The following NELFE variants were observed in gnomAD, a reference collection of about 807,000 sequenced individuals.
NELFE encodes the protein negative elongation factor E.
In NELFE, 26 loss-of-function variants were observed where a neutral mutation model predicts 55.5. The observed-to-expected ratio is 0.47, with a 90% CI of 0.34 to 0.65. The LOEUF is 0.65. NELFE is among the 30% of genes least tolerant of loss of function. The probability of loss-of-function intolerance (pLI) is 0.01; values close to 1 mark genes in which losing one functional copy is unlikely to be tolerated. For synonymous variants in NELFE, 162 were observed against 178.0 expected (o/e 0.91, Z 0.72); for missense variants, 403 against 506.9 (o/e 0.80, Z 1.97).
At chr6:31,956,621 A>T (rs1281392839) in intron 4 of NELFE, 72 bp downstream of exon 4, 8 of 1,508,594 alleles carry the variant, frequency 5.3e-6, no homozygotes, top group African/African-American at 1.4e-5. Context: ...GAGTATGCAT[A>T]TTTTTCCCCA....
At chr6:31,957,065 C>G in intron 2 of NELFE, 55 bp from the exon 3 acceptor site, 1 of 1,519,408 alleles carries the variant, frequency 6.6e-7, no homozygotes, top group South Asian at 1.2e-5. Flanking sequence ...CTAGCCGGTT[C>G]CTCTCCTAAG....
Position 31,952,342 on chromosome 6 carries a change from T to C in NELFE, c.1102A>G (p.Ser368Gly). Residue 368 changes from serine to glycine, a missense_variant, in exon 11 of 11, where the codon AGT becomes GGT. Ser to Gly is a moderately conservative substitution (Grantham distance 56). This residue lies in a region of NELFE where 77 missense variants were observed against 123.3 expected (regional missense o/e 0.62). Transcript: ENST00000375429. Reference sequence around the variant, plus strand: ...AGGTTTTCCTTGTAGACGTCATCACTGTAGACAATCTGGGTCCTCTTGTCC... The same window carrying C: ...AGGTTTTCCTTGTAGACGTCATCACCGTAGACAATCTGGGTCCTCTTGTCC... ...HRDKRTQIVY[S>G]DDVYKENLVD... 1 of 1,614,126 alleles carries C rather than the reference T, an allele frequency of 6.2e-7. No homozygotes were observed. Among genetic ancestry groups the C allele is most frequent in the Non-Finnish European group, 8.5e-7 (1 of 1,179,998 alleles).
chr6:31,954,945 AC>A lies in NELFE; in HGVS notation c.405-54del. The A allele has an allele frequency of 6.2e-7, 1 of 1,603,566 alleles. No individual in the cohort carries two copies. Among genetic ancestry groups the A allele is most frequent in the Non-Finnish European group, 8.5e-7 (1 of 1,174,254 alleles). On this transcript the variant is annotated intron_variant, in intron 6 of 10. Coordinates refer to ENST00000375429, the MANE Select transcript of NELFE (RefSeq NM_002904.6). The surrounding 1 kb of genome is among the most constrained non-coding windows in gnomAD (Gnocchi z 5.5). ...GGGGGGTTTTACCTTCTCCCCTCAG[AC>A]CCTGTGGAGACTCAATATTCCCTCT...
At chr6:31,952,550 A>T in intron 10 of NELFE, 152 bp from the exon 11 acceptor site, 1 of 580,216 alleles carries the variant, frequency 1.7e-6, no homozygotes, top group African/African-American at 1.9e-5. Context: ...TGTCTTCCTT[A>T]GCTCCTTTGT....
At chr6:31,957,125 TG>T in intron 2 of NELFE, 115 bp from the exon 3 acceptor site, 3 of 889,790 alleles carry the variant, frequency 3.4e-6, no homozygotes, top group Non-Finnish European at 5.3e-6. Context: ...GCCCTCAGAG[TG>T]GTACACTGAT....
chr6:31,955,160 T>G, intron 5 of NELFE, 59 bp downstream of exon 5: 1 of 1,612,320 alleles, frequency 6.2e-7, no homozygotes, highest in Non-Finnish European at 8.5e-7. Flanking sequence ...CCAAAATATA[T>G]TTGTCTCTCA....
chr6:31,953,941 G>T, intron 9 of NELFE, 110 bp from the exon 10 acceptor site: 1 of 1,339,408 alleles, frequency 7.5e-7, no homozygotes. Flanking sequence ...AGGAATCTGA[G>T]AATGTGAGTT....
intron 2 of NELFE, 119 bp from the exon 3 acceptor site, chr6:31,957,129 A>C (rs1372361636): frequency 1.3e-5 from 11 of 853,468 alleles, no homozygotes; most frequent in Non-Finnish European, 2.0e-5. Context: ...TCAGAGTGGT[A>C]CACTGATGTG....
At position 31,955,104 on chromosome 6, in the gene NELFE, A is replaced by G; in HGVS notation, c.367-8T>C. 1 of 1,613,104 alleles carries G rather than the reference A, an allele frequency of 6.2e-7. No individual in the cohort carries two copies. Among genetic ancestry groups the G allele is most frequent in the Non-Finnish European group, 8.5e-7 (1 of 1,180,014 alleles). ...CTGGGGACGTCTGGATGACTGTAAAAGAGACCAAGAACAGTTAAGATGATT... is the reference window on the plus strand; with the variant it reads ...CTGGGGACGTCTGGATGACTGTAAAGGAGACCAAGAACAGTTAAGATGATT... On this transcript the variant is annotated splice_polypyrimidine_tract_variant and splice_region_variant and intron_variant, in intron 5 of 10. Coordinates refer to ENST00000375429, the MANE Select transcript of NELFE (RefSeq NM_002904.6).
intron 2 of NELFE, chr6:31,957,227 G>C (rs1262193034): frequency 1.6e-6 from 1 of 614,050 alleles, no homozygotes; most frequent in East Asian, 2.7e-5. Flanking sequence ...AGGTTTTCCA[G>C]AGTGTTACAT....
rs747801119 is a variant in NELFE at position 31,954,764 on chromosome 6, G to A, written c.533C>T (p.Ser178Phe). ...WGYEERSGAHSSASPPRSRSR... is the reference protein window; with the variant it reads ...WGYEERSGAHFSASPPRSRSR... ...GCGGCTTCGGGGAGGGGAGGCTGAG[G>A]AGTGGGCACCACTGCGTTCTTCATA... Residue 178 changes from serine to phenylalanine, a missense_variant, in exon 7 of 11, where the codon TCC (serine) becomes TTC (phenylalanine). By Grantham distance (155) the Ser-to-Phe change is radical. Transcript: ENST00000375429. The surrounding 1 kb of genome is among the most constrained non-coding windows in gnomAD (Gnocchi z 5.5). 1.2e-6 allele frequency: 2 copies of A among 1,613,198 alleles called. No homozygotes were observed. The highest frequency in any genetic ancestry group is 1.7e-6 in the Non-Finnish European group (2 of 1,179,996).
At chr6:31,958,533 AC>A in intron 1 of NELFE, 79 bp from the exon 2 acceptor site, 1 of 1,161,162 alleles carries the variant, frequency 8.6e-7, no homozygotes, top group Non-Finnish European at 1.3e-6. Context: ...ACTGTACCCA[AC>A]CCCACCCCTT....
intron 2 of NELFE, 167 bp downstream of exon 2, chr6:31,958,205 G>A: frequency 3.0e-6 from 2 of 656,710 alleles, no homozygotes; most frequent in Admixed American, 2.4e-5. Flanking sequence ...AAGACAGAAG[G>A]TCCACACCAA....
chr6:31,957,488 A>T, intron 2 of NELFE: 1 of 457,462 alleles, frequency 2.2e-6, no homozygotes, highest in East Asian at 6.9e-5. Flanking sequence ...GGTGCAGATT[A>T]TTCATAGCTG....
At position 31,954,566 on chromosome 6, in the gene NELFE, C is replaced by A. The variant is rs1282555271; in HGVS notation, c.731G>T (p.Gly244Val). The change falls in exon 7 of 11, where the codon GGT becomes GTT. Residue 244 changes from glycine to valine, a missense_variant. Physicochemically the swap from Gly to Val is moderately radical, Grantham distance 109 (BLOSUM62 -3). Around this residue, in one of 3 missense-constraint regions of NELFE, gnomAD observed 229 missense variants for 228.3 expected, o/e 1.00. Coordinates refer to ENST00000375429, the MANE Select transcript of NELFE (RefSeq NM_002904.6). The surrounding 1 kb of genome is among the most constrained non-coding windows in gnomAD (Gnocchi z 5.5). ...CCAAAATCACTCACTGCGGAAAGGA[C>A]CCTCTCGGTCTCGGTCTCGATCCCG... ...RERDRDRDRE[G>V]PFRRSDSFPE... is the part of the protein sequence containing the mutation. The A allele has an allele frequency of 4.4e-6, 7 of 1,607,010 alleles. No homozygotes were observed. The highest frequency in any genetic ancestry group is 1.7e-5 in the Admixed American group (1 of 59,762).
chr6:31,952,435 G>C, intron 10 of NELFE, 37 bp from the exon 11 acceptor site: 1 of 1,500,402 alleles, frequency 6.7e-7, no homozygotes, highest in Non-Finnish European at 9.3e-7. Flanking sequence ...AGGTCTAAAG[G>C]AGATCATAGA....
In NELFE at chr6:31,955,048, T is replaced by C. The variant is rs761958530; in HGVS notation, c.404+11A>G. On this transcript the variant is annotated intron_variant, in intron 6 of 10. Transcript: ENST00000375429. The stretch of plus-strand genomic sequence containing the variant: ...CACCAAATGGGCCCAGCCTTATCTC[T>C]ACTCTCTAACCTCTCATACAGAGAT... The C allele has an allele frequency of 1.2e-6, 2 of 1,613,050 alleles. No individual in the cohort carries two copies. The highest frequency in any genetic ancestry group is 3.3e-5 in the Admixed American group (2 of 60,022).
intron 10 of NELFE, among the ~76,000 whole-genome samples, chr6:31,952,673 C>G (rs1771843526): frequency 6.6e-6 from 1 of 152,238 alleles, no homozygotes; most frequent in African/African-American, 2.4e-5. Flanking sequence ...CCACTACTTA[C>G]AGTCAGTATG....
chr6:31,954,321 G>A lies in NELFE; in HGVS notation c.864C>T (p.Asp288=), dbSNP rs1245055919. ...ACTTTCTGGGTGGGTCCATGGAGAGGTCAATGATGTTTCCAAAAGGAGAGA... is the reference window on the plus strand; with the variant it reads ...ACTTTCTGGGTGGGTCCATGGAGAGATCAATGATGTTTCCAAAAGGAGAGA... The part of the protein sequence containing the change: ...GAFSPFGNII[D]LSMDPPRNCA... Residue 288 remains aspartate, a synonymous_variant, in exon 8 of 11, where the codon GAC becomes GAT. Transcript: ENST00000375429. This position sits in a 1 kb window ranked among gnomAD's most constrained non-coding sequence, Gnocchi z 5.5. The A allele has an allele frequency of 2.1e-5, 34 of 1,612,724 alleles. No individual in the cohort carries two copies. The highest frequency in any genetic ancestry group is 2.6e-5 in the Non-Finnish European group (31 of 1,179,370).
Sources: allele counts gnomAD v4.1 joint callset (sites outside exome capture counted in the v4.1 genomes callset), GRCh38; gene constraint gnomAD v4.1.1; regional missense constraint gnomAD v4.1.1; non-coding constraint Gnocchi (gnomAD v3.1); transcripts MANE v1.5; gene names NCBI Gene and HGNC (gene_info 2026-07-23, HGNC 2026-07-21).